Variants in URGCP observed in about 807,000 individuals in gnomAD.
URGCP encodes the protein upregulator of cell proliferation.
Under a neutral mutation model 24.6 loss-of-function variants are expected in URGCP, and 13 were observed. The observed-to-expected ratio is 0.53, with a 90% CI of 0.34 to 0.84. The LOEUF is 0.84. Among genes scored for constraint, URGCP ranks in the 40% least tolerant of loss-of-function variants. URGCP has a pLI of 0.01. For synonymous variants in URGCP, 444 were observed against 487.2 expected (o/e 0.91, Z 1.17); for missense variants, 899 against 1,194.3 (o/e 0.75, Z 3.64).
At chr7:43,919,734 GC>G in intron 1 of URGCP, 1 of 1,378,284 alleles carries the variant, frequency 7.3e-7, no homozygotes, top group Non-Finnish European at 1.0e-6. Flanking sequence ...ATGGAAGTTG[GC>G]CAACTTCATC....
chr7:43,895,924 G>A (rs573825656), intron 1 of URGCP, among the ~76,000 whole-genome samples: 62 of 152,152 alleles, frequency 4.1e-4, no homozygotes, highest in Non-Finnish European at 8.4e-4. Context: ...GCCAAGATAG[G>A]GAATCAATGT....
intron 1 of URGCP, among the ~76,000 whole-genome samples, chr7:43,915,830 G>A (rs1299603599): frequency 6.6e-6 from 1 of 152,184 alleles, no homozygotes; most frequent in East Asian, 1.9e-4. Context: ...CCAACATGGT[G>A]AAACCCCGTC....
intron 1 of URGCP, among the ~76,000 whole-genome samples, chr7:43,915,697 C>T (rs1180891357): frequency 6.6e-6 from 1 of 152,208 alleles, no homozygotes; most frequent in Non-Finnish European, 1.5e-5. Flanking sequence ...GTCCAAACCC[C>T]AGGGTAGAAA....
intron 1 of URGCP, among the ~76,000 whole-genome samples, chr7:43,892,347 C>A (rs2095872204): frequency 6.6e-6 from 1 of 151,552 alleles, no homozygotes; most frequent in Non-Finnish European, 1.5e-5. Flanking sequence ...CCTCAGCCAC[C>A]TGACCTCATG....
Position 43,919,048 on chromosome 7 carries a change from T to G in URGCP, c.-116+7084A>C, listed in dbSNP as rs1352907561. On this transcript the variant is annotated intron_variant, in intron 1 of 5. Transcript: ENST00000426198. The stretch of plus-strand genomic sequence containing the variant: ...CAGAGGGAGAAGATCCATGAGGACA[T>G]TTTTAACATCACAGACCAGGAGGCA... The G allele has an allele frequency of 4.7e-6, 5 of 1,054,190 alleles. No individual in the cohort carries two copies. In the African/African-American group the frequency reaches 7.8e-5, roughly 16 times the overall value. The allele number at this position is 1,054,190 out of a possible 1,614,324, so 65.3% of individuals were successfully genotyped here.
chr7:43,906,316 C>G (rs1416728129), intron 1 of URGCP: 1 of 184,302 alleles, frequency 5.4e-6, no homozygotes, highest in African/African-American at 2.4e-5. Context: ...CGTACCCGGA[C>G]CCCCGCATCC....
chr7:43,902,365 T>A (rs2095892752), intron 1 of URGCP, among the ~76,000 whole-genome samples: 1 of 152,086 alleles, frequency 6.6e-6, no homozygotes, highest in Admixed American at 6.5e-5. Context: ...GAGTCCCACC[T>A]CTATATAGCT....
intron 1 of URGCP, among the ~76,000 whole-genome samples, chr7:43,903,866 A>G (rs1021737716): frequency 5.9e-5 from 9 of 152,228 alleles, no homozygotes; most frequent in African/African-American, 2.2e-4. Context: ...TGTTGGGACT[A>G]GCGGAGATGG....
chr7:43,880,748 A>G (rs748846122), intron 5 of URGCP, among the ~76,000 whole-genome samples: 1 of 152,256 alleles, frequency 6.6e-6, no homozygotes, highest in Non-Finnish European at 1.5e-5. Flanking sequence ...ATGTTAATGC[A>G]TGAAGTAAAT....
In URGCP at chr7:43,879,128, T is replaced by C. The variant is rs1474322324; in HGVS notation, c.335A>G (p.Lys112Arg). ...SMKNWAPQVPKDLPWNFLRKL... is the reference protein window; with the variant it reads ...SMKNWAPQVPRDLPWNFLRKL... ...CCTGAGGAAATTCCAGGGCAAGTCT[T>C]TGGGAACCTGAGGGGCCCAGTTCTT... The change falls in exon 6 of 6, where the codon AAA becomes AGA. Residue 112 changes from lysine (K) to arginine (R), a missense_variant. Physicochemically the swap from Lys to Arg is conservative, Grantham distance 26. Coordinates refer to ENST00000453200, the MANE Select transcript of URGCP (RefSeq NM_001077663.3). 1 of 1,614,164 alleles carries C rather than the reference T, an allele frequency of 6.2e-7. No homozygotes were observed. Among genetic ancestry groups the C allele is most frequent in the South Asian group, 1.1e-5 (1 of 91,080 alleles).
At chr7:43,913,482 T>C (rs1189052984) in intron 1 of URGCP, among the ~76,000 whole-genome samples, 1 of 152,040 alleles carries the variant, frequency 6.6e-6, no homozygotes, top group African/African-American at 2.4e-5. Context: ...CCTCCCAAAG[T>C]GCTGGGATTA....
At chr7:43,889,326 T>A (rs1337983708) in intron 1 of URGCP, 1 of 152,082 alleles carries the variant, frequency 6.6e-6, no homozygotes, top group Admixed American at 6.5e-5. Flanking sequence ...CAACAAAAAA[T>A]AATGAGCCAC....
At chr7:43,882,831 A>G (rs2095856011) in intron 3 of URGCP, among the ~76,000 whole-genome samples, 1 of 152,260 alleles carries the variant, frequency 6.6e-6, no homozygotes, top group Non-Finnish European at 1.5e-5. Context: ...ATGAATAACC[A>G]TAAAACTTAC....
chr7:43,885,254 T>A (rs2095860425), intron 3 of URGCP, among the ~76,000 whole-genome samples: 1 of 151,830 alleles, frequency 6.6e-6, no homozygotes, highest in Admixed American at 6.6e-5. Flanking sequence ...GCGCCCACCA[T>A]CCCTCCCAGC....
intron 5 of URGCP, chr7:43,881,169 A>T (rs2132653627): frequency 1.4e-6 from 1 of 701,630 alleles, no homozygotes; most frequent in East Asian, 2.7e-5. Context: ...TTTATTTTTT[A>T]AGTAGCATGG....
chr7:43,890,789 CAGAA>C (rs2095869533), intron 1 of URGCP, among the ~76,000 whole-genome samples: 1 of 152,190 alleles, frequency 6.6e-6, no homozygotes, highest in Non-Finnish European at 1.5e-5. Context: ...TGTTGTCTGG[CAGAA>C]AGAATCAAGC....
chr7:43,894,615 C>T (rs1157265868), intron 1 of URGCP, among the ~76,000 whole-genome samples: 5 of 152,220 alleles, frequency 3.3e-5, no homozygotes, highest in African/African-American at 1.2e-4. Context: ...CTGTCTCGGT[C>T]TCCCAAAGTG....
At chr7:43,909,481 C>T (rs2095907658), upstream of URGCP, among the ~76,000 whole-genome samples, 1 of 152,138 alleles carries the variant, frequency 6.6e-6, no homozygotes, top group Non-Finnish European at 1.5e-5. Flanking sequence ...AATCCCAGCA[C>T]TTTGGGAGGC....
At position 43,876,981 on chromosome 7, in the gene URGCP, G is replaced by T. The variant is rs1157435750; in HGVS notation, c.2482C>A (p.Pro828Thr). The change falls in exon 6 of 6, where the codon CCC becomes ACC. Residue 828 changes from proline to threonine, a missense_variant. By Grantham distance (38) the Pro-to-Thr change is conservative. Coordinates refer to ENST00000453200, the MANE Select transcript of URGCP (RefSeq NM_001077663.3). ...CTCTTGTCTCTGGGCCTAGGGCCGG[G>T]AACAGATACATCATGAAGGTTCTGG... ...VYQNLHDVSV[P>T]GPRPRDKRQL... The T allele has an allele frequency of 1.2e-6, 2 of 1,614,060 alleles. No individual in the cohort carries two copies. Among genetic ancestry groups the T allele is most frequent in the Non-Finnish European group, 1.7e-6 (2 of 1,180,050 alleles).
Sources: gnomAD v4.1 joint callset for allele counts (sites outside exome capture counted in the v4.1 genomes callset) on GRCh38, gnomAD v4.1.1 for gene constraint, MANE v1.5 for transcripts, NCBI Gene and HGNC (gene_info 2026-07-23, HGNC 2026-07-21) for gene names.